Variants in CTNNA3 observed in about 807,000 individuals in gnomAD.
CTNNA3 encodes the protein catenin alpha 3.
Under a neutral mutation model 95.7 loss-of-function variants are expected in CTNNA3, and 76 were observed. That is an observed-to-expected ratio of 0.79 (90% CI 0.66 to 0.96). CTNNA3 has a LOEUF of 0.96. CTNNA3 is among the 40% of genes least tolerant of loss of function. CTNNA3 has a pLI of 0.00. For synonymous variants in CTNNA3, 431 were observed against 374.4 expected (o/e 1.15, Z -1.74); for missense variants, 1,191 against 1,089.8 (o/e 1.09, Z -1.31).
chr10:67,076,708 G>C (rs1589703628), intron 7 of CTNNA3, among the ~76,000 whole-genome samples: 1 of 152,152 alleles, frequency 6.6e-6, no homozygotes, highest in Non-Finnish European at 1.5e-5. Context: ...TGGTACAGGG[G>C]ACTGAATTTG....
At chr10:66,526,648 T>A (rs1220077435) in intron 10 of CTNNA3, among the ~76,000 whole-genome samples, 1 of 152,162 alleles carries the variant, frequency 6.6e-6, no homozygotes, top group Non-Finnish European at 1.5e-5. Flanking sequence ...ACCATCCTAA[T>A]GGGTGTGAAG....
At chr10:67,042,448 G>A (rs1243149059) in intron 7 of CTNNA3, among the ~76,000 whole-genome samples, 2 of 152,146 alleles carry the variant, frequency 1.3e-5, no homozygotes, top group Non-Finnish European at 2.9e-5. Context: ...AGTTTTCCAT[G>A]TCTTCTAAGC....
At chr10:67,439,256 G>A (rs117439561) in intron 5 of CTNNA3, among the ~76,000 whole-genome samples, 232 of 152,222 alleles carry the variant, frequency 1.5e-3, no homozygotes, top group Non-Finnish European at 2.2e-3. Context: ...GTATTAGCCT[G>A]TTCTTGCATT....
In CTNNA3 at chr10:66,304,138, T is replaced by C. The variant is rs58234828; in HGVS notation, c.1733-23517A>G. Among the ~76,000 whole-genome samples the C allele has an allele frequency of 1.7e-3, 258 of 152,062 alleles. 2 individuals carry two copies. Among genetic ancestry groups the C allele is most frequent in the African/African-American group, 6.0e-3 (250 of 41,492 alleles). The stretch of plus-strand genomic sequence containing the variant: ...GAAATAAAGAGATAGGACAAACATA[T>C]TGGGGGGAAGAAGCTCAATCTCATA... On this transcript the variant is annotated intron_variant, in intron 12 of 17. Coordinates refer to ENST00000433211, the MANE Select transcript of CTNNA3 (RefSeq NM_013266.4).
intron 10 of CTNNA3, among the ~76,000 whole-genome samples, chr10:66,611,140 A>T (rs61867499): frequency 0.28 from 43,058 of 152,016 alleles, 6,497 homozygotes; most frequent in Middle Eastern, 0.43. Context: ...CGGAAAGAGA[A>T]TAAGGGGCAG....
At chr10:67,283,023 A>G (rs892244698) in intron 5 of CTNNA3, among the ~76,000 whole-genome samples, 3 of 152,200 alleles carry the variant, frequency 2.0e-5, no homozygotes, top group Non-Finnish European at 2.9e-5. Context: ...TTGACATTCC[A>G]GAGGGGGCCC....
chr10:66,079,956 T>A (rs928611680), intron 14 of CTNNA3, among the ~76,000 whole-genome samples: 2 of 152,090 alleles, frequency 1.3e-5, no homozygotes, highest in African/African-American at 4.8e-5. Context: ...AATAAAATAG[T>A]TTATATCAAT....
chr10:66,869,554 T>C (rs935947521), intron 7 of CTNNA3, among the ~76,000 whole-genome samples: 6 of 151,970 alleles, frequency 3.9e-5, no homozygotes, highest in African/African-American at 1.4e-4. Flanking sequence ...GCCTGGGTAA[T>C]AGAGTGAGAC....
At chr10:66,465,820 C>G (rs2131860052) in intron 11 of CTNNA3, among the ~76,000 whole-genome samples, 1 of 152,114 alleles carries the variant, frequency 6.6e-6, no homozygotes, top group Non-Finnish European at 1.5e-5. Flanking sequence ...ATAGGGATCC[C>G]ACAGAATTGT....
chr10:65,959,990 A>C (rs2077809558), intron 17 of CTNNA3, among the ~76,000 whole-genome samples: 2 of 152,154 alleles, frequency 1.3e-5, no homozygotes, highest in African/African-American at 4.8e-5. Flanking sequence ...CTTGCTGTGA[A>C]CTTAGCTTAT....
chr10:67,472,595 G>T (rs1340154118), intron 5 of CTNNA3, among the ~76,000 whole-genome samples: 2 of 152,186 alleles, frequency 1.3e-5, no homozygotes, highest in Non-Finnish European at 2.9e-5. Flanking sequence ...ACCGTTCTGG[G>T]AGCTCCCTGC....
At chr10:66,295,212 G>A (rs912393270) in intron 12 of CTNNA3, among the ~76,000 whole-genome samples, 1 of 152,166 alleles carries the variant, frequency 6.6e-6, no homozygotes, top group Non-Finnish European at 1.5e-5. Context: ...TTGTAATAGA[G>A]ACTTAACCTA....
intron 2 of CTNNA3, among the ~76,000 whole-genome samples, chr10:67,618,225 A>C (rs958978695): frequency 2.6e-5 from 4 of 152,180 alleles, no homozygotes; most frequent in South Asian, 4.1e-4. Flanking sequence ...AAAGTAAAAA[A>C]TCCAATCATA....
chr10:66,810,007 G>A (rs1841811776), intron 7 of CTNNA3, among the ~76,000 whole-genome samples: 1 of 152,050 alleles, frequency 6.6e-6, no homozygotes, highest in African/African-American at 2.4e-5. Context: ...GTTTCACCAT[G>A]TTGGCCAGGC....
intron 11 of CTNNA3, among the ~76,000 whole-genome samples, chr10:66,401,495 G>A (rs1484165354): frequency 6.8e-6 from 1 of 147,310 alleles, no homozygotes; most frequent in Non-Finnish European, 1.5e-5. Context: ...TCAGCCTGGT[G>A]ACAGAGCTAG....
Position 66,850,733 on chromosome 10 carries a change from T to C in CTNNA3, c.1048-75209A>G, listed in dbSNP as rs114720444. Reference sequence around the variant, plus strand: ...CTTAATTAAAATAAAAGCTGAAAATTAAAATCTTATCAAGCTTGCCTTATT... The same window carrying C: ...CTTAATTAAAATAAAAGCTGAAAATCAAAATCTTATCAAGCTTGCCTTATT... On this transcript the variant is annotated intron_variant, in intron 7 of 17. Transcript: ENST00000433211. Among the ~76,000 whole-genome samples, 512 of 152,126 alleles carry C rather than the reference T, an allele frequency of 3.4e-3. 5 individuals are homozygous for C. The highest frequency in any genetic ancestry group is 0.012 in the African/African-American group (490 of 41,494).
chr10:67,399,641 C>A (rs1755636539), intron 5 of CTNNA3, among the ~76,000 whole-genome samples: 1 of 152,190 alleles, frequency 6.6e-6, no homozygotes, highest in African/African-American at 2.4e-5. Context: ...TGATCTTCAC[C>A]ACCCAACTCA....
At chr10:66,402,731 C>T (rs956444349) in intron 11 of CTNNA3, among the ~76,000 whole-genome samples, 3 of 152,090 alleles carry the variant, frequency 2.0e-5, no homozygotes, top group Non-Finnish European at 4.4e-5. Flanking sequence ...CCTAAAACAA[C>T]AGCCAAGGAA....
chr10:67,318,698 T>A (rs1256168823), intron 5 of CTNNA3, among the ~76,000 whole-genome samples: 2 of 152,202 alleles, frequency 1.3e-5, no homozygotes, highest in Non-Finnish European at 2.9e-5. Context: ...CCTGGAATAT[T>A]CCTTTTTACC....
Sources: allele counts gnomAD v4.1 joint callset (sites outside exome capture counted in the v4.1 genomes callset), GRCh38; gene constraint gnomAD v4.1.1; transcripts MANE v1.5; gene names NCBI Gene and HGNC (gene_info 2026-07-23, HGNC 2026-07-21).